KATNBL1: variants seen among roughly 807,000 people sequenced by gnomAD.
The protein encoded by KATNBL1 is katanin regulatory subunit B1 like 1, also known as KATNB1-like protein 1.
In KATNBL1, 28 loss-of-function variants were observed where a neutral mutation model predicts 44.7. That is an observed-to-expected ratio of 0.63 (90% CI 0.46 to 0.86). The LOEUF is 0.86. Ranked by LOEUF, KATNBL1 falls within the 40% of genes least tolerant of loss-of-function variation. The pLI, the probability that KATNBL1 is intolerant of heterozygous loss-of-function variation, is 0.00. For synonymous variants in KATNBL1, 78 were observed against 114.9 expected (o/e 0.68, Z 2.06); for missense variants, 272 against 350.7 (o/e 0.78, Z 1.79).
intron 1 of KATNBL1, among the ~76,000 whole-genome samples, chr15:34,168,558 G>A (rs1889056448): frequency 6.6e-6 from 1 of 152,170 alleles, no homozygotes; most frequent in East Asian, 1.9e-4. Context: ...AGGATGCCCA[G>A]GATTTGAACT....
rs199717503 is a variant in KATNBL1, at chr15:34,181,667, CAT to C, written c.-14-17979_-14-17978del. 9.4e-5 allele frequency among the ~76,000 whole-genome samples: 9 copies of C among 95,352 alleles called. 2 individuals are homozygous for C. Among genetic ancestry groups the C allele is most frequent in the African/African-American group, 3.4e-4 (9 of 26,270 alleles). The allele number at this position is 95,352 out of a possible 152,430, so 62.6% of individuals were successfully genotyped here. ...ACATATATATGTCCATATATATATC[CAT>C]ATATATACACATATATATGTCCATA... On this transcript the variant is annotated intron_variant, in intron 1 of 9. Coordinates refer to ENST00000256544, the MANE Select transcript of KATNBL1 (RefSeq NM_024713.3).
chr15:34,204,022 T>TA (rs35383096), intron 1 of KATNBL1, among the ~76,000 whole-genome samples: 1,480 of 130,636 alleles, frequency 0.011, 11 homozygotes, highest in Middle Eastern at 0.04. Flanking sequence ...AGAACTTAAT[T>TA]AAAAAAAAAA....
intron 1 of KATNBL1, among the ~76,000 whole-genome samples, chr15:34,167,461 T>C (rs1011194281): frequency 7.4e-6 from 1 of 134,938 alleles, no homozygotes; most frequent in Non-Finnish European, 1.6e-5. Flanking sequence ...AAAGACCAAA[T>C]CTATGTTTGA....
intron 1 of KATNBL1, chr15:34,199,434 T>A (rs569975502): frequency 4.6e-5 from 7 of 152,282 alleles, no homozygotes; most frequent in African/African-American, 1.7e-4. Context: ...AAGACTCCCA[T>A]CTCAGAAAAT....
intron 1 of KATNBL1, among the ~76,000 whole-genome samples, chr15:34,183,943 T>C (rs964755370): frequency 1.3e-5 from 2 of 151,916 alleles, no homozygotes; most frequent in Admixed American, 1.3e-4. Flanking sequence ...CCGAGGCAGG[T>C]GGATCAGCTG....
chr15:34,165,718 C>T (rs781579252), intron 1 of KATNBL1, among the ~76,000 whole-genome samples: 5 of 152,158 alleles, frequency 3.3e-5, no homozygotes, highest in Admixed American at 6.5e-5. Context: ...CGCTTGAACC[C>T]GGGAGGCTGA....
chr15:34,180,615 G>C (rs1889489833), intron 1 of KATNBL1, among the ~76,000 whole-genome samples: 2 of 152,138 alleles, frequency 1.3e-5, no homozygotes, highest in African/African-American at 2.4e-5. Flanking sequence ...CTAGGTCCAA[G>C]TCAACACATC....
At chr15:34,187,396 T>C (rs1031963534) in intron 1 of KATNBL1, among the ~76,000 whole-genome samples, 2 of 152,174 alleles carry the variant, frequency 1.3e-5, no homozygotes, top group African/African-American at 2.4e-5. Flanking sequence ...CTTGTCTGTG[T>C]ACCTCATTCT....
chr15:34,175,523 AG>A (rs1336989510), intron 1 of KATNBL1, among the ~76,000 whole-genome samples: 3 of 152,226 alleles, frequency 2.0e-5, no homozygotes, highest in Non-Finnish European at 4.4e-5. Context: ...ATTTCTTCAG[AG>A]GCTAAAACAG....
At chr15:34,176,322 G>A in intron 1 of KATNBL1, among the ~76,000 whole-genome samples, 1 of 151,956 alleles carries the variant, frequency 6.6e-6, no homozygotes, top group Non-Finnish European at 1.5e-5. Context: ...AGTTTGCAGT[G>A]AGCCCAGATC....
At chr15:34,160,921 C>T (rs1888781937) in intron 2 of KATNBL1, among the ~76,000 whole-genome samples, 1 of 152,110 alleles carries the variant, frequency 6.6e-6, no homozygotes, top group South Asian at 2.1e-4. Context: ...CCTAGAGGCT[C>T]AACACCCCCC....
intron 4 of KATNBL1, among the ~76,000 whole-genome samples, chr15:34,149,611 G>A (rs1371381774): frequency 2.0e-5 from 3 of 152,232 alleles, no homozygotes; most frequent in Admixed American, 2.0e-4. Flanking sequence ...TTTTAGTAGA[G>A]ATGGGGTTTT....
At chr15:34,181,585 T>C (rs551875824) in intron 1 of KATNBL1, among the ~76,000 whole-genome samples, 1 of 53,104 alleles carries the variant, frequency 1.9e-5, no homozygotes, top group Non-Finnish European at 5.0e-5. Context: ...TATATATACA[T>C]ATATATACAC....
At chr15:34,147,545 C>A in intron 5 of KATNBL1, 115 bp from the exon 6 acceptor site, 1 of 645,710 alleles carries the variant, frequency 1.5e-6, no homozygotes, top group Non-Finnish European at 2.6e-6. Context: ...ATGTCAGTAT[C>A]TACAATGAGT....
At chr15:34,208,893 T>A (rs571596900) in intron 1 of KATNBL1, 3 of 152,258 alleles carry the variant, frequency 2.0e-5, no homozygotes, top group Non-Finnish European at 4.4e-5. Context: ...GCCAGCCTGC[T>A]CGGGTGTTAA....
intron 9 of KATNBL1, chr15:34,143,052 G>A: frequency 8.0e-7 from 1 of 1,255,180 alleles, no homozygotes; most frequent in Non-Finnish European, 1.0e-6. Context: ...CAAATTAATT[G>A]ATGGTTTAAT....
intron 2 of KATNBL1, among the ~76,000 whole-genome samples, chr15:34,156,066 G>A (rs888330929): frequency 1.1e-4 from 16 of 152,166 alleles, no homozygotes; most frequent in Admixed American, 9.8e-4. Context: ...CAGTTACTAG[G>A]CAGAGTGTCC....
intron 9 of KATNBL1, 74 bp from the exon 10 acceptor site, chr15:34,142,445 T>C: frequency 6.8e-7 from 1 of 1,474,736 alleles, no homozygotes; most frequent in Non-Finnish European, 9.1e-7. Flanking sequence ...TTTTTTTTTG[T>C]TGTTGCTTAA....
At chr15:34,180,775 C>A (rs1318765673) in intron 1 of KATNBL1, among the ~76,000 whole-genome samples, 1 of 151,954 alleles carries the variant, frequency 6.6e-6, no homozygotes, top group East Asian at 1.9e-4. Flanking sequence ...CTCAAATCTT[C>A]TTTCAGGCAG....
Sources: gnomAD v4.1 joint callset for allele counts (sites outside exome capture counted in the v4.1 genomes callset) on GRCh38, gnomAD v4.1.1 for gene constraint, MANE v1.5 for transcripts, NCBI Gene and HGNC (gene_info 2026-07-23, HGNC 2026-07-21) for gene names.